GRIN1: variants seen among roughly 807,000 people sequenced by gnomAD.
GRIN1 encodes glutamate ionotropic receptor NMDA type subunit 1, also known as glutamate receptor ionotropic, NMDA 1.
GRIN1 carries 38 observed loss-of-function variants against 103.0 expected under a neutral mutation model. The observed-to-expected ratio is 0.37, with a 90% confidence interval of 0.28 to 0.48. The LOEUF (loss-of-function observed/expected upper bound fraction) is 0.48, where lower values mean the gene tolerates loss of function less well. GRIN1 is among the 20% of genes least tolerant of loss of function. The probability of loss-of-function intolerance (pLI) is 0.98; values close to 1 mark genes in which losing one functional copy is unlikely to be tolerated. For missense variants in GRIN1, 577 were observed against 1,288.9 expected (o/e 0.45, Z 8.46); for synonymous variants, 544 against 532.7 (o/e 1.02, Z -0.29).
In GRIN1 at chr9:137,167,643, C is replaced by T; in HGVS notation, c.*116C>T. ...CACCACGGGGTCGGGGGAGGAGCAC[C>T]CCCAGCCTCCCCCAGGCTGCGCCTG... On this transcript the variant is annotated 3_prime_UTR_variant, in exon 20 of 20. Coordinates refer to ENST00000371561, the MANE Select transcript of GRIN1 (RefSeq NM_007327.4). 2.6e-6 allele frequency: 4 copies of T among 1,509,658 alleles called. 1 individual carries two copies. Among genetic ancestry groups the T allele is most frequent in the Non-Finnish European group, 3.5e-6 (4 of 1,128,892 alleles). 93.5% of individuals were successfully genotyped at this position (1,509,658 alleles called of 1,614,324 possible).
In GRIN1 at chr9:137,161,214, G is replaced by A. The variant is rs570998054; in HGVS notation, c.1339+17G>A. ...CGGGCAGCCGTGAGTGCGCGGGGCA[G>A]GGCGCGGGGCGCGGGGCAGGGCGCG... On this transcript the variant is annotated intron_variant, in intron 9 of 19. Transcript: ENST00000371561. The A allele has an allele frequency of 1.2e-6, 2 of 1,601,950 alleles. No homozygotes were observed. The highest frequency in any genetic ancestry group is 1.7e-4 in the Middle Eastern group (1 of 6,016).
chr9:137,154,701 C>T (rs1833118785), intron 4 of GRIN1, among the ~76,000 whole-genome samples: 1 of 152,100 alleles, frequency 6.6e-6, no homozygotes, highest in South Asian at 2.1e-4. Flanking sequence ...ACCTGCCCGC[C>T]TCGGCCTCCC....
chr9:137,156,696 C>T lies in GRIN1; in HGVS notation c.699C>T (p.Arg233=). 7 of 1,597,302 alleles carry T rather than the reference C, an allele frequency of 4.4e-6. No homozygotes were observed. Among genetic ancestry groups the T allele is most frequent in the Non-Finnish European group, 6.0e-6 (7 of 1,173,034 alleles). ...AGGACGATGCTGCCACTGTATACCG[C>T]GCAGCCGCGATGCTGAACATGACGG... ...ASEDDAATVY[R]AAAMLNMTGS... is the part of the protein sequence containing the mutation. Residue 233 remains arginine (R), a synonymous_variant, in exon 5 of 20, where the codon CGC becomes CGT. Coordinates refer to ENST00000371561, the MANE Select transcript of GRIN1 (RefSeq NM_007327.4).
intron 4 of GRIN1, among the ~76,000 whole-genome samples, chr9:137,156,128 G>A (rs2131269107): frequency 6.6e-6 from 1 of 152,224 alleles, no homozygotes; most frequent in Admixed American, 6.5e-5. Flanking sequence ...CTTCCCCTCG[G>A]GACACAGAGA....
In GRIN1 at chr9:137,160,159, C is replaced by T. The variant is rs115773829; in HGVS notation, c.1198-897C>T. ...CACGGCGCGGTGGAGCACGTACACA[C>T]GGGCAAGAGAAAGGAGCCAGAGACC... is the stretch of plus-strand genomic sequence containing the variant. On this transcript the variant is annotated intron_variant, in intron 8 of 19. Transcript: ENST00000371561. Among the ~76,000 whole-genome samples the T allele has an allele frequency of 1.3e-3, 195 of 152,330 alleles. 3 individuals carry two copies. Among genetic ancestry groups the T allele is most frequent in the African/African-American group, 4.5e-3 (187 of 41,568 alleles).
chr9:137,155,890 C>T (rs142122302), intron 4 of GRIN1, among the ~76,000 whole-genome samples: 135 of 152,344 alleles, frequency 8.9e-4, no homozygotes, highest in Non-Finnish European at 1.4e-3. Flanking sequence ...GGTGGCTGGG[C>T]GAAGGCAGCT....
At chr9:137,142,963 C>G (rs1315967928) in intron 2 of GRIN1, among the ~76,000 whole-genome samples, 1 of 152,236 alleles carries the variant, frequency 6.6e-6, no homozygotes, top group African/African-American at 2.4e-5. Flanking sequence ...GTCAGTTTTG[C>G]AGGAATCTCC....
chr9:137,151,575 A>G (rs567514496), intron 4 of GRIN1, among the ~76,000 whole-genome samples: 2 of 151,650 alleles, frequency 1.3e-5, no homozygotes, highest in African/African-American at 4.8e-5. Flanking sequence ...ACCCAGGGAA[A>G]GCCCCACCCA....
intron 4 of GRIN1, among the ~76,000 whole-genome samples, chr9:137,150,958 CGCCCAGGGAAAGCCCA>C (rs1832842355): frequency 6.8e-6 from 1 of 146,210 alleles, no homozygotes; most frequent in South Asian, 2.2e-4. Context: ...GAAAAAGACC[CGCCCAGGGAAAGCCCA>C]GCCCAGAGAA....
intron 16 of GRIN1, 95 bp from the exon 17 acceptor site, chr9:137,163,464 C>T (rs1246976947): frequency 1.4e-6 from 2 of 1,410,506 alleles, no homozygotes; most frequent in Non-Finnish European, 2.0e-6. Flanking sequence ...CACGCCGCAC[C>T]CTACCCCGCA....
At position 137,167,556 on chromosome 9, in the gene GRIN1, T is replaced by TC; in HGVS notation, c.*34dup. The TC allele has an allele frequency of 1.2e-6, 1 of 854,946 alleles. No individual in the cohort carries two copies. 53.0% of individuals were successfully genotyped at this position (854,946 alleles called of 1,614,324 possible). ...TCCCCGCCCGCCCTCCTCTGCCCCC[T>TC]CCCCCGCAGACAGACAGACAGACGG... On this transcript the variant is annotated 3_prime_UTR_variant, in exon 20 of 20. Coordinates refer to ENST00000371561, the MANE Select transcript of GRIN1 (RefSeq NM_007327.4).
Position 137,161,042 on chromosome 9 carries a change from C to T in GRIN1, c.1198-14C>T, listed in dbSNP as rs1833509578. ...AGGTCGGTGGTCCAGGCTGGGTCTC[C>T]CCTTCCCCCCCAGATTGTGACGATC... On this transcript the variant is annotated splice_polypyrimidine_tract_variant and intron_variant, in intron 8 of 19. Transcript: ENST00000371561. 3 of 1,612,436 alleles carry T rather than the reference C, an allele frequency of 1.9e-6. No homozygotes were observed. The highest frequency in any genetic ancestry group is 1.7e-5 in the Admixed American group (1 of 59,972).
Position 137,139,747 on chromosome 9 carries a change from G to A in GRIN1, c.258+3G>A, listed in dbSNP as rs377725905. The A allele has an allele frequency of 1.2e-6, 2 of 1,612,688 alleles. No homozygotes were observed. The highest frequency in any genetic ancestry group is 2.2e-5 in the South Asian group (2 of 91,056). On this transcript the variant is annotated splice_donor_region_variant and intron_variant, in intron 1 of 19. Coordinates refer to ENST00000371561, the MANE Select transcript of GRIN1 (RefSeq NM_007327.4). This position sits in a 1 kb window ranked among gnomAD's most constrained non-coding sequence, Gnocchi z 7.7. ...GCGAGGACCTCATCTCCAGCCAGGT[G>A]CCCTCCCCCACCTCCGCCACCCACC...
rs763024426 is a variant in GRIN1 at position 137,139,197 on chromosome 9, A to AGCCGCC, written c.-276_-271dup. ...GGACCGGAACCAGCGCCGTCCGCGG[A>AGCCGCC]GCCGCCGCCGCCGCCGCCGGGCCCT... is the stretch of plus-strand genomic sequence containing the variant. On this transcript the variant is annotated 5_prime_UTR_variant, in exon 1 of 20. Transcript: ENST00000371561. The surrounding 1 kb of genome is among the most constrained non-coding windows in gnomAD (Gnocchi z 7.7). 4 of 157,672 alleles carry AGCCGCC rather than the reference A, an allele frequency of 2.5e-5. No individual in the cohort carries two copies. The highest frequency in any genetic ancestry group is 1.8e-4 in the South Asian group (1 of 5,710). 9.8% of individuals were successfully genotyped at this position (157,672 alleles called of 1,614,324 possible). A position where few individuals can be genotyped will look rare whatever the true frequency, so the allele number is the denominator to read the frequency against.
rs1455409331 is a variant in GRIN1 at position 137,168,695 on chromosome 9, C to T, written c.*1168C>T. ...CCCCTCCGTCCCCAGGGTGCAGGCG[C>T]GCACCGCCCAACCCCCACCTCCCGG... On this transcript the variant is annotated 3_prime_UTR_variant, in exon 20 of 20. Coordinates refer to ENST00000371561, the MANE Select transcript of GRIN1 (RefSeq NM_007327.4). The T allele has an allele frequency of 3.8e-6, 2 of 531,964 alleles. No individual in the cohort carries two copies. The highest frequency in any genetic ancestry group is 2.0e-5 in the African/African-American group (1 of 49,902). The allele number at this position is 531,964 out of a possible 1,614,324, so 33.0% of individuals were successfully genotyped here.
chr9:137,168,238 C>T lies in GRIN1; in HGVS notation c.*711C>T, dbSNP rs1833982961. 2 of 294,856 alleles carry T rather than the reference C, an allele frequency of 6.8e-6. No individual in the cohort carries two copies. The highest frequency in any genetic ancestry group is 7.5e-5 in the South Asian group (2 of 26,796). 18.3% of individuals were successfully genotyped at this position (294,856 alleles called of 1,614,324 possible). ...GGCCCCAGCTGGCTGGGTCGCCCCT[C>T]CTCGGGCGCCTGCGCTCCTCTGCAG... On this transcript the variant is annotated 3_prime_UTR_variant, in exon 20 of 20. Transcript: ENST00000371561.
chr9:137,139,600 C>T lies in GRIN1; in HGVS notation c.114C>T (p.His38=), dbSNP rs1241572680. The change falls in exon 1 of 20, where the codon CAC becomes CAT. Residue 38 remains histidine (H), a synonymous_variant. Transcript: ENST00000371561. The surrounding 1 kb of genome is among the most constrained non-coding windows in gnomAD (Gnocchi z 7.7). ...GCGCGGTGCTGAGCACGCGGAAGCA[C>T]GAGCAGATGTTCCGCGAGGCCGTGA... ...NIGAVLSTRK[H]EQMFREAVNQ... is the part of the protein sequence containing the mutation. 1 of 1,613,686 alleles carries T rather than the reference C, an allele frequency of 6.2e-7. No individual in the cohort carries two copies.
intron 2 of GRIN1, among the ~76,000 whole-genome samples, chr9:137,143,018 C>T (rs960598220): frequency 6.6e-6 from 1 of 152,252 alleles, no homozygotes; most frequent in Non-Finnish European, 1.5e-5. Context: ...CACAGCCCTC[C>T]GTCTACCCAG....
intron 11 of GRIN1, 24 bp from the exon 12 acceptor site, chr9:137,162,148 C>T: frequency 1.3e-6 from 2 of 1,541,840 alleles, no homozygotes; most frequent in South Asian, 1.2e-5. Context: ...GCCCGGGCCG[C>T]GCTGACCTCG....
Sources: gnomAD v4.1 joint callset for allele counts (sites outside exome capture counted in the v4.1 genomes callset) on GRCh38, gnomAD v4.1.1 for gene constraint, Gnocchi (gnomAD v3.1) non-coding constraint, MANE v1.5 for transcripts, NCBI Gene and HGNC (gene_info 2026-07-23, HGNC 2026-07-21) for gene names.